Variants in ITPKA observed in about 807,000 individuals in gnomAD.
ITPKA encodes inositol-trisphosphate 3-kinase A.
ITPKA carries 16 observed loss-of-function variants against 40.7 expected under a neutral mutation model. The observed-to-expected ratio is 0.39, with a 90% CI of 0.27 to 0.60. The LOEUF (loss-of-function observed/expected upper bound fraction) is 0.60, where lower values mean the gene tolerates loss of function less well. Ranked by LOEUF, ITPKA falls within the 20% of genes least tolerant of loss-of-function variation. ITPKA has a pLI of 0.50. For missense variants in ITPKA, 540 were observed against 649.3 expected, an observed-to-expected ratio of 0.83 and a Z score of 1.83; for synonymous variants, 313 against 289.9, an observed-to-expected ratio of 1.08 and a Z score of -0.81.
rs1040221139 is a variant in ITPKA, at chr15:41,494,697, G to A, written c.489+281G>A. 1.3e-5 allele frequency among the ~76,000 whole-genome samples: 2 copies of A among 152,254 alleles called. No individual in the cohort carries two copies. The highest frequency in any genetic ancestry group is 2.9e-5 in the Non-Finnish European group (2 of 68,042). On this transcript the variant is annotated intron_variant, in intron 1 of 6. Coordinates refer to ENST00000260386, the MANE Select transcript of ITPKA (RefSeq NM_002220.3). This position sits in a 1 kb window ranked among gnomAD's most constrained non-coding sequence, Gnocchi z 7.8. The stretch of plus-strand genomic sequence containing the variant: ...CCGCCGCGGGGACTGGGCGAAGCGG[G>A]GGTAGCGGACCTTGTTGGCTGTGGG...
chr15:41,495,809 C>T (rs1044680254), intron 1 of ITPKA, among the ~76,000 whole-genome samples: 1 of 152,262 alleles, frequency 6.6e-6, no homozygotes, highest in Non-Finnish European at 1.5e-5. Flanking sequence ...AGAGCCGGTG[C>T]AGGCGAAAGG....
At chr15:41,502,568 C>A in intron 5 of ITPKA, 65 bp downstream of exon 5, 1 of 1,048,616 alleles carries the variant, frequency 9.5e-7, no homozygotes, top group Non-Finnish European at 1.5e-6. Flanking sequence ...CCCCTGTCAT[C>A]TGGCCCAGTG....
At chr15:41,495,036 G>T (rs1283676120) in intron 1 of ITPKA, among the ~76,000 whole-genome samples, 1 of 152,202 alleles carries the variant, frequency 6.6e-6, no homozygotes, top group Non-Finnish European at 1.5e-5. Context: ...TTCCCGGCTC[G>T]CCGCTCCTGA....
At chr15:41,495,466 A>G (rs867232816) in intron 1 of ITPKA, among the ~76,000 whole-genome samples, 47 of 152,288 alleles carry the variant, frequency 3.1e-4, no homozygotes, top group African/African-American at 1.1e-3. Flanking sequence ...CAAGGCAGGG[A>G]AGCTGTGGCG....
At chr15:41,497,893 T>TG (rs1347821516) in intron 1 of ITPKA, among the ~76,000 whole-genome samples, 1 of 152,034 alleles carries the variant, frequency 6.6e-6, no homozygotes, top group Non-Finnish European at 1.5e-5. Flanking sequence ...GGCTCACACT[T>TG]GCAATCCCAG....
Position 41,494,230 on chromosome 15 carries a change from G to C in ITPKA, c.303G>C (p.Arg101=). Residue 101 remains arginine (R), a synonymous_variant, in exon 1 of 7, where the codon CGG becomes CGC. Coordinates refer to ENST00000260386, the MANE Select transcript of ITPKA (RefSeq NM_002220.3). The surrounding 1 kb of genome is among the most constrained non-coding windows in gnomAD (Gnocchi z 7.8). ...VPPTSPGPPE[R]ERDCLPAAGS... is the part of the protein sequence containing the mutation. ...CGACCAGCCCTGGGCCGCCGGAGCGGGAGAGGGACTGCCTCCCGGCAGCGG... is the reference window on the plus strand; with the variant it reads ...CGACCAGCCCTGGGCCGCCGGAGCGCGAGAGGGACTGCCTCCCGGCAGCGG... 1.3e-6 allele frequency: 2 copies of C among 1,539,558 alleles called. No individual in the cohort carries two copies. The highest frequency in any genetic ancestry group is 1.7e-6 in the Non-Finnish European group (2 of 1,150,304).
Position 41,503,451 on chromosome 15 carries a change from G to C in ITPKA, c.*285G>C. ...TTCTGAGGAGGCTCTGCCCTCTCCAGAGGTGCCAGACCGCGGATTTTATTT... is the reference window on the plus strand; with the variant it reads ...TTCTGAGGAGGCTCTGCCCTCTCCACAGGTGCCAGACCGCGGATTTTATTT... On this transcript the variant is annotated 3_prime_UTR_variant, in exon 7 of 7. Coordinates refer to ENST00000260386, the MANE Select transcript of ITPKA (RefSeq NM_002220.3). The C allele has an allele frequency of 1.6e-6, 1 of 625,278 alleles. No individual in the cohort carries two copies. The highest frequency in any genetic ancestry group is 1.5e-5 in the South Asian group (1 of 65,184). 38.7% of individuals were successfully genotyped at this position (625,278 alleles called of 1,614,324 possible). A position where few individuals can be genotyped will look rare whatever the true frequency, so the allele number is the denominator to read the frequency against.
chr15:41,500,862 A>G (rs999339175), intron 1 of ITPKA, among the ~76,000 whole-genome samples: 1 of 151,984 alleles, frequency 6.6e-6, no homozygotes, highest in Admixed American at 6.6e-5. Context: ...ACAAAAAATT[A>G]GCCGGGCATA....
At chr15:41,497,886 T>G (rs571829601) in intron 1 of ITPKA, among the ~76,000 whole-genome samples, 2 of 152,034 alleles carry the variant, frequency 1.3e-5, no homozygotes, top group East Asian at 3.9e-4. Flanking sequence ...TCACGGTGGC[T>G]CACACTTGCA....
chr15:41,499,314 A>G (rs2051094471), intron 1 of ITPKA, among the ~76,000 whole-genome samples: 3 of 152,224 alleles, frequency 2.0e-5, no homozygotes, highest in Admixed American at 2.0e-4. Context: ...CTAGTGTGCC[A>G]TGTAAGGGCT....
In ITPKA at chr15:41,502,614, C is replaced by T. The variant is rs544564975; in HGVS notation, c.1110+111C>T. The stretch of plus-strand genomic sequence containing the variant: ...TGTCCCCACCATGGCCCTCACCGCG[C>T]TGGCTCGCAACTGCTCTACGCTCCT... On this transcript the variant is annotated intron_variant, in intron 5 of 6. Transcript: ENST00000260386. The T allele has an allele frequency of 2.9e-4, 269 of 920,466 alleles. 2 individuals are homozygous for T. The South Asian group carries it at 3.9e-3, about 13-fold the overall frequency. The allele number at this position is 920,466 out of a possible 1,614,324, so 57.0% of individuals were successfully genotyped here.
In ITPKA at chr15:41,502,116, G is replaced by A. The variant is rs779430196; in HGVS notation, c.923G>A (p.Arg308His). 6.2e-7 allele frequency: 1 copy of A among 1,611,010 alleles called. No homozygotes were observed. Among genetic ancestry groups the A allele is most frequent in the Non-Finnish European group, 8.5e-7 (1 of 1,179,244 alleles). The change falls in exon 4 of 7, where the codon CGC (arginine) becomes CAC (histidine). Residue 308 changes from arginine (R) to histidine (H), a missense_variant. Transcript: ENST00000260386. ...EAPTEEEHAQ[R>H]AVTKPRYMQW... The stretch of plus-strand genomic sequence containing the variant: ...CCCACGGAGGAGGAGCACGCGCAGC[G>A]CGCCGTCACCAAGCCGCGCTACATG...
At chr15:41,502,882 C>T (rs1033880607) in intron 6 of ITPKA, 23 bp downstream of exon 6, 5 of 1,609,810 alleles carry the variant, frequency 3.1e-6, no homozygotes, top group Non-Finnish European at 4.2e-6. Flanking sequence ...TGCCCGGGTG[C>T]CCGGGCCGCG....
At position 41,501,452 on chromosome 15, in the gene ITPKA, G is replaced by A; in HGVS notation, c.490-11G>A. 6.2e-7 allele frequency: 1 copy of A among 1,603,684 alleles called. No homozygotes were observed. The highest frequency in any genetic ancestry group is 8.5e-7 in the Non-Finnish European group (1 of 1,175,206). The stretch of plus-strand genomic sequence containing the variant: ...ACGCCGATTATCAGACCTTGACCCT[G>A]TCGCTTTCAGAAAAACCACTGGCAG... On this transcript the variant is annotated splice_polypyrimidine_tract_variant and intron_variant, in intron 1 of 6. Transcript: ENST00000260386.
At position 41,497,817 on chromosome 15, in the gene ITPKA, C is replaced by T. The variant is rs149958818; in HGVS notation, c.489+3401C>T. 1.6e-3 allele frequency among the ~76,000 whole-genome samples: 239 copies of T among 151,868 alleles called. 1 individual carries two copies. Among genetic ancestry groups the T allele is most frequent in the Middle Eastern group, 0.01 (3 of 294 alleles). The stretch of plus-strand genomic sequence containing the variant: ...GGAGGATCACTTGAACCCCGGAGTT[C>T]GAGGCCAGCCTGGGCAACATAGCAA... On this transcript the variant is annotated intron_variant, in intron 1 of 6. Transcript: ENST00000260386.
rs1426046085 is a variant in ITPKA, at chr15:41,503,025, C to T, written c.1245C>T (p.Ile415=). The T allele has an allele frequency of 1.2e-6, 2 of 1,609,874 alleles. No homozygotes were observed. Among genetic ancestry groups the T allele is most frequent in the East Asian group, 2.2e-5 (1 of 44,724 alleles). Residue 415 remains isoleucine (I), a synonymous_variant, in exon 7 of 7, where the codon ATC becomes ATT. Transcript: ENST00000260386. ...GCCATCGCGCCGGCGTGTGGCTCAT[C>T]GACTTCGGCAAGACCACGCCCCTCC... ...DHCHRAGVWL[I]DFGKTTPLPD...
chr15:41,497,243 C>T (rs1595448135), intron 1 of ITPKA, among the ~76,000 whole-genome samples: 1 of 152,284 alleles, frequency 6.6e-6, no homozygotes, highest in East Asian at 1.9e-4. Context: ...CCCAGGTAGC[C>T]TCTGGCTGTG....
At position 41,494,500 on chromosome 15, in the gene ITPKA, T is replaced by C. The variant is rs2140670576; in HGVS notation, c.489+84T>C. The C allele has an allele frequency of 1.1e-6, 1 of 927,886 alleles. No individual in the cohort carries two copies. The highest frequency in any genetic ancestry group is 1.9e-5 in the South Asian group (1 of 51,526). 57.5% of individuals were successfully genotyped at this position (927,886 alleles called of 1,614,324 possible). On this transcript the variant is annotated intron_variant, in intron 1 of 6. Coordinates refer to ENST00000260386, the MANE Select transcript of ITPKA (RefSeq NM_002220.3). The surrounding 1 kb of genome is among the most constrained non-coding windows in gnomAD (Gnocchi z 7.8). ...TGGGTGCTCCCGGAGGACCCGCTCC[T>C]GTCCATGCTCCCTCCAGCGGAAGGT...
rs146892879 is a variant in ITPKA at position 41,501,816 on chromosome 15, C to G, written c.768C>G (p.Asp256Glu). The change falls in exon 3 of 7, where the codon GAC (aspartate) becomes GAG (glutamate). Residue 256 changes from aspartate to glutamate, a missense_variant. Coordinates refer to ENST00000260386, the MANE Select transcript of ITPKA (RefSeq NM_002220.3). Reference protein sequence around the residue: ...LQLQDLLDGFDGPCVLDCKMG... With the variant: ...LQLQDLLDGFEGPCVLDCKMG... ...TGCAGGACCTGCTCGATGGCTTCGACGGACCTTGTGTGCTCGACTGCAAAA... is the reference window on the plus strand; with the variant it reads ...TGCAGGACCTGCTCGATGGCTTCGAGGGACCTTGTGTGCTCGACTGCAAAA... 1.9e-6 allele frequency: 3 copies of G among 1,613,412 alleles called. No individual in the cohort carries two copies. The highest frequency in any genetic ancestry group is 2.5e-6 in the Non-Finnish European group (3 of 1,179,884).
Sources: allele counts gnomAD v4.1 joint callset (sites outside exome capture counted in the v4.1 genomes callset), GRCh38; gene constraint gnomAD v4.1.1; non-coding constraint Gnocchi (gnomAD v3.1); transcripts MANE v1.5; gene names NCBI Gene and HGNC (gene_info 2026-07-23, HGNC 2026-07-21).